The following OPRM1 variants were observed in gnomAD, a reference collection of about 807,000 sequenced individuals.
The protein encoded by OPRM1 is mu-type opioid receptor.
In OPRM1, 27 loss-of-function variants were observed where a neutral mutation model predicts 31.8. The ratio of observed to expected loss-of-function variants is 0.85; its 90% CI spans 0.63 to 1.17. The LOEUF is 1.17. Among genes scored for constraint, OPRM1 ranks in the 50% most tolerant of loss-of-function variants. OPRM1 has a pLI of 0.00. For missense variants in OPRM1, 536 were observed against 511.1 expected, an observed-to-expected ratio of 1.05 and a Z score of -0.47; for synonymous variants, 196 against 189.9, an observed-to-expected ratio of 1.03 and a Z score of -0.26.
chr6:154,235,509 C>T (rs915958095), intron 3 of OPRM1, among the ~76,000 whole-genome samples: 3 of 122,780 alleles, frequency 2.4e-5, no homozygotes, highest in Non-Finnish European at 3.2e-5. Context: ...CCAGCCTGGG[C>T]GACAAGAGCA....
chr6:154,030,135 G>T (rs1778927364), intron 1 of OPRM1, among the ~76,000 whole-genome samples: 1 of 143,842 alleles, frequency 7.0e-6, no homozygotes, highest in Admixed American at 6.7e-5. Flanking sequence ...ATTCTATTCA[G>T]GTCTGTTTCC....
Position 154,062,308 on chromosome 6 carries a change from A to G in OPRM1, c.290+22474A>G, listed in dbSNP as rs1031402041. 5.3e-5 allele frequency among the ~76,000 whole-genome samples: 8 copies of G among 152,296 alleles called. No individual in the cohort carries two copies. In the East Asian group the frequency reaches 7.7e-4, roughly 15 times the overall value. On this transcript the variant is annotated intron_variant, in intron 1 of 3. Transcript: ENST00000330432. ...ATAAATCAATGTTTGGAATTTTCCT[A>G]TTAAAAGAATAGTTACATAATTTGT... is the stretch of plus-strand genomic sequence containing the variant.
At chr6:154,032,230 C>T (rs1011585618) in intron 1 of OPRM1, among the ~76,000 whole-genome samples, 2 of 152,170 alleles carry the variant, frequency 1.3e-5, no homozygotes, top group African/African-American at 4.8e-5. Flanking sequence ...ATGATGCATA[C>T]TGTGCCAAGG....
At chr6:154,109,792 C>CTCTGTGTGTGTG (rs1358444421) in intron 3 of OPRM1, among the ~76,000 whole-genome samples, 4 of 101,200 alleles carry the variant, frequency 4.0e-5, no homozygotes, top group African/African-American at 1.5e-4. Context: ...CTCTCTCTCT[C>CTCTGTGTGTGTG]TGTGTGTGTG....
chr6:154,013,967 A>AGAGT (rs1482770668), intron 1 of OPRM1, among the ~76,000 whole-genome samples: 1 of 152,158 alleles, frequency 6.6e-6, no homozygotes, highest in Non-Finnish European at 1.5e-5. Context: ...AGGTCATCCT[A>AGAGT]CGCATTGAGA....
chr6:154,099,997 TATC>T (rs71921719), intron 3 of OPRM1, among the ~76,000 whole-genome samples: 3,881 of 138,156 alleles, frequency 0.028, 232 homozygotes, highest in African/African-American at 0.1. Context: ...TATTATATAT[TATC>T]ATATTATGAT....
intron 3 of OPRM1, among the ~76,000 whole-genome samples, chr6:154,144,530 C>T (rs1414972165): frequency 2.0e-5 from 3 of 151,824 alleles, no homozygotes; most frequent in East Asian, 3.9e-4. Context: ...GTGGATCACC[C>T]GAGGTCAGGA....
At chr6:154,013,749 G>T (rs775813516) in intron 1 of OPRM1, among the ~76,000 whole-genome samples, 9 of 152,166 alleles carry the variant, frequency 5.9e-5, no homozygotes, top group South Asian at 2.1e-4. Context: ...GCTGACCCTG[G>T]CTAAGGTGAC....
chr6:154,035,731 T>G (rs573757465), upstream of OPRM1, among the ~76,000 whole-genome samples: 5 of 152,262 alleles, frequency 3.3e-5, no homozygotes, highest in African/African-American at 1.2e-4. Context: ...TTTAGCACTT[T>G]CCTGGGATTC....
At chr6:154,060,199 G>A (rs57779120) in intron 1 of OPRM1, among the ~76,000 whole-genome samples, 2,023 of 152,206 alleles carry the variant, frequency 0.013, 51 homozygotes, top group African/African-American at 0.047. Flanking sequence ...TCAAGAAAAG[G>A]CATCCTGCTC....
chr6:154,201,319 C>T (rs1476955909), intron 3 of OPRM1, among the ~76,000 whole-genome samples: 1 of 152,082 alleles, frequency 6.6e-6, no homozygotes, highest in Admixed American at 6.6e-5. Flanking sequence ...AAATACATGC[C>T]TTCTTTTTAA....
chr6:154,157,178 C>T (rs1457486927), intron 3 of OPRM1: 1 of 152,270 alleles, frequency 6.6e-6, no homozygotes, highest in Non-Finnish European at 1.5e-5. Flanking sequence ...CCCATGTCTT[C>T]CTACATTAAG....
intron 3 of OPRM1, among the ~76,000 whole-genome samples, chr6:154,116,497 A>G (rs1478888537): frequency 6.6e-6 from 1 of 151,022 alleles, no homozygotes; most frequent in African/African-American, 2.4e-5. Context: ...AGGCATAAGA[A>G]TTGCTTGAAT....
chr6:154,117,858 GGTGT>G (rs60794328), intron 3 of OPRM1, among the ~76,000 whole-genome samples: 3,044 of 145,642 alleles, frequency 0.021, 97 homozygotes, highest in African/African-American at 0.066. Flanking sequence ...TTAAAAAGAT[GGTGT>G]GTGTGTGTGT....
At chr6:154,138,024 C>A (rs1459077493) in intron 3 of OPRM1, among the ~76,000 whole-genome samples, 1 of 152,200 alleles carries the variant, frequency 6.6e-6, no homozygotes, top group Non-Finnish European at 1.5e-5. Flanking sequence ...ATAGTCTTCC[C>A]CTTCAAGGAC....
At chr6:154,014,910 G>A (rs143262615) in intron 1 of OPRM1, among the ~76,000 whole-genome samples, 77 of 152,098 alleles carry the variant, frequency 5.1e-4, no homozygotes, top group South Asian at 1.0e-3. Context: ...AGATACAATG[G>A]GAAAGAAGAC....
At chr6:154,087,874 T>C (rs1275216680) in intron 1 of OPRM1, 1 of 152,234 alleles carries the variant, frequency 6.6e-6, no homozygotes, top group African/African-American at 2.4e-5. Flanking sequence ...TGCCATCAGA[T>C]ATAATGTATT....
chr6:154,087,503 A>G, intron 1 of OPRM1: 1 of 985,468 alleles, frequency 1.0e-6, no homozygotes, highest in South Asian at 4.7e-5. Context: ...TCACGCTCTC[A>G]AATCCACATC....
intron 3 of OPRM1, among the ~76,000 whole-genome samples, chr6:154,185,255 C>T (rs1461948238): frequency 2.0e-5 from 3 of 152,192 alleles, no homozygotes; most frequent in African/African-American, 7.2e-5. Context: ...TCTGTATTTC[C>T]AGGGAGCAGC....
Sources: allele counts gnomAD v4.1 joint callset (sites outside exome capture counted in the v4.1 genomes callset), GRCh38; gene constraint gnomAD v4.1.1; transcripts MANE v1.5; gene names NCBI Gene and HGNC (gene_info 2026-07-23, HGNC 2026-07-21).